The following SLIT3 variants were observed in gnomAD, a reference collection of about 807,000 sequenced individuals.
The protein encoded by SLIT3 is slit homolog 3 protein.
SLIT3 carries 68 observed loss-of-function variants against 184.0 expected under a neutral mutation model. The ratio of observed to expected loss-of-function variants is 0.37; its 90% CI spans 0.30 to 0.45. The LOEUF is 0.45. Ranked by LOEUF, SLIT3 falls within the 20% of genes least tolerant of loss-of-function variation. The probability of loss-of-function intolerance (pLI) is 1.00; values close to 1 mark genes in which losing one functional copy is unlikely to be tolerated. For synonymous variants in SLIT3, 831 were observed against 828.6 expected (o/e 1.00, Z -0.05); for missense variants, 1,707 against 2,026.0 (o/e 0.84, Z 3.02).
chr5:169,233,313 G>A (rs11749142), intron 3 of SLIT3, among the ~76,000 whole-genome samples: 13,203 of 152,146 alleles, frequency 0.087, 752 homozygotes, highest in African/African-American at 0.17. Flanking sequence ...GTGAGCCACC[G>A]CGCCCGGTCG....
intron 4 of SLIT3, among the ~76,000 whole-genome samples, chr5:168,913,294 G>A (rs570164967): frequency 3.9e-5 from 6 of 152,298 alleles, no homozygotes; most frequent in East Asian, 3.9e-4. Flanking sequence ...CAACAGATGC[G>A]CCTAGTAAGG....
intron 4 of SLIT3, among the ~76,000 whole-genome samples, chr5:168,956,162 C>T (rs1385547204): frequency 6.6e-6 from 1 of 152,174 alleles, no homozygotes; most frequent in African/African-American, 2.4e-5. Context: ...CAATTCCTTC[C>T]CACCTTATCT....
intron 4 of SLIT3, among the ~76,000 whole-genome samples, chr5:168,918,855 A>G (rs1281865128): frequency 6.6e-6 from 1 of 152,158 alleles, no homozygotes; most frequent in African/African-American, 2.4e-5. Flanking sequence ...CAGACATACC[A>G]ACTTCCTTCT....
chr5:168,893,603 C>T (rs936968473), intron 4 of SLIT3, among the ~76,000 whole-genome samples: 5 of 152,276 alleles, frequency 3.3e-5, no homozygotes, highest in Admixed American at 1.3e-4. Context: ...ATTGGAGAAG[C>T]GTCCTTGTTC....
At chr5:169,072,314 G>A (rs1364440031) in intron 4 of SLIT3, among the ~76,000 whole-genome samples, 2 of 152,216 alleles carry the variant, frequency 1.3e-5, no homozygotes, top group Admixed American at 6.5e-5. Context: ...ACTACTTTGT[G>A]ACCTTAGAGA....
At chr5:168,984,841 T>C (rs1328943281) in intron 4 of SLIT3, among the ~76,000 whole-genome samples, 1 of 152,172 alleles carries the variant, frequency 6.6e-6, no homozygotes, top group African/African-American at 2.4e-5. Context: ...CCAGGCTGCT[T>C]GTTAAACACC....
intron 4 of SLIT3, among the ~76,000 whole-genome samples, chr5:168,986,978 G>A (rs954683735): frequency 2.6e-5 from 4 of 152,320 alleles, no homozygotes; most frequent in South Asian, 4.1e-4. Context: ...AACCCGGGAG[G>A]CAGAGGTTGC....
At chr5:168,902,393 G>A (rs1339786710) in intron 4 of SLIT3, among the ~76,000 whole-genome samples, 5 of 152,208 alleles carry the variant, frequency 3.3e-5, no homozygotes, top group African/African-American at 1.2e-4. Flanking sequence ...TTATACTTTT[G>A]TTACGTGCTG....
At chr5:169,073,436 T>A (rs1050012817) in intron 4 of SLIT3, among the ~76,000 whole-genome samples, 1 of 151,312 alleles carries the variant, frequency 6.6e-6, no homozygotes, top group African/African-American at 2.4e-5. Context: ...ACCTCCTTCT[T>A]CCAACATTTG....
intron 4 of SLIT3, among the ~76,000 whole-genome samples, chr5:169,019,909 T>G (rs1386930514): frequency 1.3e-5 from 2 of 152,246 alleles, no homozygotes; most frequent in Non-Finnish European, 2.9e-5. Flanking sequence ...TCTTTGCAGA[T>G]AGTTTAAAAT....
intron 4 of SLIT3, among the ~76,000 whole-genome samples, chr5:169,108,768 C>T (rs938698371): frequency 6.6e-6 from 1 of 152,320 alleles, no homozygotes; most frequent in East Asian, 1.9e-4. Context: ...TCTCACTACT[C>T]TGCAATGGAG....
chr5:168,904,220 C>T (rs1036722767), intron 4 of SLIT3, among the ~76,000 whole-genome samples: 1 of 152,090 alleles, frequency 6.6e-6, no homozygotes, highest in African/African-American at 2.4e-5. Context: ...GACTACCATG[C>T]CAACTTGGGG....
chr5:168,710,822 G>T (rs1762531142), intron 25 of SLIT3, 73 bp downstream of exon 25: 2 of 1,304,648 alleles, frequency 1.5e-6, no homozygotes, highest in African/African-American at 1.5e-5. Context: ...GAGATACCCT[G>T]CTCTGACAGG....
chr5:168,877,102 G>C (rs914216369), intron 5 of SLIT3, among the ~76,000 whole-genome samples: 1 of 152,212 alleles, frequency 6.6e-6, no homozygotes, highest in African/African-American at 2.4e-5. Flanking sequence ...CAGGATATCT[G>C]TGTACACAGG....
intron 4 of SLIT3, among the ~76,000 whole-genome samples, chr5:169,147,744 G>T (rs1761974469): frequency 6.6e-6 from 1 of 152,064 alleles, no homozygotes; most frequent in Non-Finnish European, 1.5e-5. Flanking sequence ...AGATACCAGG[G>T]GCCTCCTGCT....
At position 168,932,993 on chromosome 5, in the gene SLIT3, A is replaced by G. The variant is rs1409678877; in HGVS notation, c.414-49657T>C. Among the ~76,000 whole-genome samples, 3 of 152,276 alleles carry G rather than the reference A, an allele frequency of 2.0e-5. No homozygotes were observed. In the East Asian group the frequency reaches 5.8e-4, roughly 29 times the overall value. ...AGCTTTCCACATGAATAATACTGGC[A>G]AGCATACCAGGGAAAGAGAAAGCAT... On this transcript the variant is annotated intron_variant, in intron 4 of 35. Coordinates refer to ENST00000519560, the MANE Select transcript of SLIT3 (RefSeq NM_003062.4).
chr5:168,833,033 T>C (rs1278683589), intron 6 of SLIT3, among the ~76,000 whole-genome samples: 1 of 152,236 alleles, frequency 6.6e-6, no homozygotes, highest in Non-Finnish European at 1.5e-5. Context: ...CAGTGATGAA[T>C]TATCTTTAAA....
chr5:168,930,715 G>A (rs12658168), intron 4 of SLIT3, among the ~76,000 whole-genome samples: 3,582 of 152,044 alleles, frequency 0.024, 103 homozygotes, highest in East Asian at 0.13. Context: ...TCTAGAAATA[G>A]GCCTGGAGAG....
intron 4 of SLIT3, among the ~76,000 whole-genome samples, chr5:168,915,212 T>C (rs1761394605): frequency 6.6e-6 from 1 of 152,210 alleles, no homozygotes; most frequent in Admixed American, 6.5e-5. Flanking sequence ...CTGACTAATA[T>C]ATTTAAACGA....
Sources: gnomAD v4.1 joint callset for allele counts (sites outside exome capture counted in the v4.1 genomes callset) on GRCh38, gnomAD v4.1.1 for gene constraint, MANE v1.5 for transcripts, NCBI Gene and HGNC (gene_info 2026-07-23, HGNC 2026-07-21) for gene names.